PPM1E: variants seen among roughly 807,000 people sequenced by gnomAD.
PPM1E encodes protein phosphatase 1E.
Under a neutral mutation model 65.9 loss-of-function variants are expected in PPM1E, and 20 were observed. That is an observed-to-expected ratio of 0.30 (90% CI 0.21 to 0.44). The LOEUF (loss-of-function observed/expected upper bound fraction) is 0.44. PPM1E is among the 20% of genes least tolerant of loss of function. The pLI is 1.00. For missense variants in PPM1E, 713 were observed against 953.1 expected, an observed-to-expected ratio of 0.75 and a Z score of 3.32; for synonymous variants, 352 against 374.9, an observed-to-expected ratio of 0.94 and a Z score of 0.70.
At chr17:58,825,160 A>G (rs1342334197) in intron 1 of PPM1E, among the ~76,000 whole-genome samples, 1 of 151,612 alleles carries the variant, frequency 6.6e-6, no homozygotes, top group Non-Finnish European at 1.5e-5. Flanking sequence ...CTGTACCTCA[A>G]TAACTTACAG....
intron 3 of PPM1E, chr17:58,966,396 A>G: frequency 3.1e-6 from 1 of 324,458 alleles, no homozygotes; most frequent in Non-Finnish European, 5.8e-6. Flanking sequence ...AAAAAAAATT[A>G]TATCTCAATA....
chr17:58,965,881 C>T lies in PPM1E; in HGVS notation c.771C>T (p.Leu257=), dbSNP rs775676691. The T allele has an allele frequency of 4.3e-6, 7 of 1,614,116 alleles. No homozygotes were observed. The highest frequency in any genetic ancestry group is 3.4e-6 in the Non-Finnish European group (4 of 1,179,986). Residue 257 remains leucine, a synonymous_variant, in exon 3 of 7, where the codon CTC becomes CTT. Coordinates refer to ENST00000308249, the MANE Select transcript of PPM1E (RefSeq NM_014906.5). ...KHVCIPDFNM[L]FNLEDQEEQA... ...TCTGCATTCCTGACTTTAATATGCTCTTCAACCTAGAGGTAAAGGGCACTT... is the reference window on the plus strand; with the variant it reads ...TCTGCATTCCTGACTTTAATATGCTTTTCAACCTAGAGGTAAAGGGCACTT...
At chr17:58,819,110 G>T (rs181694875) in intron 1 of PPM1E, among the ~76,000 whole-genome samples, 30 of 152,170 alleles carry the variant, frequency 2.0e-4, no homozygotes, top group Admixed American at 1.9e-3. Flanking sequence ...TATTATGGTG[G>T]TTGATCTCTG....
At chr17:58,816,650 T>A (rs568249858) in intron 1 of PPM1E, among the ~76,000 whole-genome samples, 4 of 149,466 alleles carry the variant, frequency 2.7e-5, no homozygotes, top group Non-Finnish European at 5.9e-5. Flanking sequence ...GTAAGTGTAA[T>A]CATATAATAT....
intron 1 of PPM1E, among the ~76,000 whole-genome samples, chr17:58,770,604 T>A (rs1266804130): frequency 6.6e-6 from 1 of 152,136 alleles, no homozygotes; most frequent in Non-Finnish European, 1.5e-5. Context: ...GATTGAGACC[T>A]TACAAATGAA....
chr17:58,966,321 C>T (rs925399987), intron 3 of PPM1E: 1 of 354,370 alleles, frequency 2.8e-6, no homozygotes, highest in Non-Finnish European at 5.3e-6. Flanking sequence ...TTGAGACCAG[C>T]CTGGGTGACA....
At chr17:58,868,639 A>C (rs1387177170) in intron 1 of PPM1E, among the ~76,000 whole-genome samples, 1 of 138,022 alleles carries the variant, frequency 7.2e-6, no homozygotes, top group Non-Finnish European at 1.6e-5. Context: ...AAGGCTTTTT[A>C]GGGGTTTTAA....
chr17:58,902,310 G>C (rs1303029303), intron 1 of PPM1E, among the ~76,000 whole-genome samples: 1 of 151,474 alleles, frequency 6.6e-6, no homozygotes, highest in Non-Finnish European at 1.5e-5. Flanking sequence ...TTAATTTAAA[G>C]TTTGTTATAG....
chr17:58,897,828 T>C (rs1484885988), intron 1 of PPM1E: 2 of 152,172 alleles, frequency 1.3e-5, no homozygotes, highest in African/African-American at 2.4e-5. Context: ...AAGAATACTT[T>C]ATAAGGTTGA....
intron 1 of PPM1E, among the ~76,000 whole-genome samples, chr17:58,877,548 TA>T (rs2051141913): frequency 6.6e-6 from 1 of 152,168 alleles, no homozygotes; most frequent in Non-Finnish European, 1.5e-5. Context: ...ATTTTTGATA[TA>T]TTTTTTCCAT....
chr17:58,880,600 G>T (rs2051183645), intron 1 of PPM1E, among the ~76,000 whole-genome samples: 1 of 144,054 alleles, frequency 6.9e-6, no homozygotes, highest in African/African-American at 2.6e-5. Flanking sequence ...TGATTCTGTT[G>T]TGAAAGAGTT....
intron 4 of PPM1E, 126 bp downstream of exon 4, chr17:58,969,853 TCA>T: frequency 1.1e-6 from 1 of 891,262 alleles, no homozygotes; most frequent in Non-Finnish European, 1.7e-6. Flanking sequence ...TATTCTTGAC[TCA>T]CAGTATTGGA....
chr17:58,812,367 A>G (rs1013724715), intron 1 of PPM1E, among the ~76,000 whole-genome samples: 3 of 150,418 alleles, frequency 2.0e-5, no homozygotes, highest in African/African-American at 7.3e-5. Flanking sequence ...CAACAACTGT[A>G]TAATAGAATC....
At chr17:58,924,921 G>A (rs1183826819) in intron 1 of PPM1E, among the ~76,000 whole-genome samples, 1 of 152,026 alleles carries the variant, frequency 6.6e-6, no homozygotes, top group East Asian at 1.9e-4. Context: ...TCCTTTTTAT[G>A]GTTGCATAGT....
Position 58,931,082 on chromosome 17 carries a change from A to G in PPM1E, c.465-24567A>G, listed in dbSNP as rs548115883. Among the ~76,000 whole-genome samples, 7 of 142,304 alleles carry G rather than the reference A, an allele frequency of 4.9e-5. No individual in the cohort carries two copies. The South Asian group carries it at 6.7e-4, about 14-fold the overall frequency. The allele number at this position is 142,304 out of a possible 152,430, so 93.4% of individuals were successfully genotyped here. A position where few individuals can be genotyped will look rare whatever the true frequency, so the allele number is the denominator to read the frequency against. ...TACAAAAATTAAAAAAAAAAAAAAA[A>G]AAAAGAAAGAAAGAAAGAAAAAAGC... On this transcript the variant is annotated intron_variant, in intron 1 of 6. Transcript: ENST00000308249.
At chr17:58,923,527 C>A (rs1039629545) in intron 1 of PPM1E, among the ~76,000 whole-genome samples, 1 of 151,762 alleles carries the variant, frequency 6.6e-6, no homozygotes, top group Admixed American at 6.6e-5. Context: ...GGACAGATCA[C>A]CTAAGGTCAG....
intron 1 of PPM1E, among the ~76,000 whole-genome samples, chr17:58,828,536 C>G (rs748748530): frequency 1.3e-5 from 2 of 151,934 alleles, no homozygotes; most frequent in Non-Finnish European, 2.9e-5. Context: ...GCGATCTCGC[C>G]TCACCACAAC....
intron 1 of PPM1E, among the ~76,000 whole-genome samples, chr17:58,925,991 C>G (rs1412868835): frequency 6.6e-6 from 1 of 152,160 alleles, no homozygotes; most frequent in Non-Finnish European, 1.5e-5. Context: ...TGTTCCTCCT[C>G]CCCTCCTCCA....
intron 3 of PPM1E, among the ~76,000 whole-genome samples, chr17:58,969,206 C>A (rs568918268): frequency 6.6e-6 from 1 of 152,226 alleles, no homozygotes; most frequent in African/African-American, 2.4e-5. Flanking sequence ...CCTATCCCCC[C>A]TCCCCCAACT....
Sources: allele counts gnomAD v4.1 joint callset (sites outside exome capture counted in the v4.1 genomes callset), GRCh38; gene constraint gnomAD v4.1.1; transcripts MANE v1.5; gene names NCBI Gene and HGNC (gene_info 2026-07-23, HGNC 2026-07-21).